ADAP1: variants seen among roughly 807,000 people sequenced by gnomAD.
ADAP1 encodes the protein arf-GAP with dual PH domain-containing protein 1.
ADAP1 carries 31 observed loss-of-function variants against 54.9 expected under a neutral mutation model. That is an observed-to-expected ratio of 0.56 (90% confidence interval 0.42 to 0.76). The LOEUF (loss-of-function observed/expected upper bound fraction) is 0.76. Ranked by LOEUF, ADAP1 falls within the 30% of genes least tolerant of loss-of-function variation. The pLI, the probability that ADAP1 is intolerant of heterozygous loss-of-function variation, is 0.00. For synonymous variants in ADAP1, 313 were observed against 202.6 expected, an observed-to-expected ratio of 1.55 and a Z score of -4.63; for missense variants, 535 against 512.4, an observed-to-expected ratio of 1.04 and a Z score of -0.42.
At chr7:909,213 G>GGACGCCGCATT (rs1562917951) in intron 4 of ADAP1, among the ~76,000 whole-genome samples, 4 of 66,646 alleles carry the variant, frequency 6.0e-5, no homozygotes, top group East Asian at 3.9e-4. Context: ...GCAGGCGCCA[G>GGACGCCGCATT]CGGGAACCCC....
At chr7:899,326 G>T in intron 9 of ADAP1, 65 bp from the exon 10 acceptor site, 1 of 1,605,944 alleles carries the variant, frequency 6.2e-7, no homozygotes, top group African/African-American at 1.3e-5. Flanking sequence ...ACTCAGGCCA[G>T]GACTCGGGAG....
chr7:898,831 T>G lies in ADAP1; in HGVS notation c.*90A>C. On this transcript the variant is annotated 3_prime_UTR_variant, in exon 11 of 11. Coordinates refer to ENST00000265846, the MANE Select transcript of ADAP1 (RefSeq NM_006869.4). ...GCCCTGAGGAGCAGGTGGGGCCAGG[T>G]GGCCTCAGGACGCCAGAGCCCCCCC... 1 of 1,521,446 alleles carries G rather than the reference T, an allele frequency of 6.6e-7. No homozygotes were observed. Among genetic ancestry groups the G allele is most frequent in the African/African-American group, 1.4e-5 (1 of 72,666 alleles). 94.2% of individuals were successfully genotyped at this position (1,521,446 alleles called of 1,614,324 possible).
chr7:899,966 C>T, intron 8 of ADAP1, 136 bp downstream of exon 8: 1 of 1,088,950 alleles, frequency 9.2e-7, no homozygotes, highest in Non-Finnish European at 1.4e-6. Flanking sequence ...CGGCCAGGCA[C>T]AGACAAGGGG....
chr7:915,077 T>C (rs1389454076), intron 4 of ADAP1, among the ~76,000 whole-genome samples: 1 of 50,476 alleles, frequency 2.0e-5, no homozygotes, highest in Middle Eastern at 7.1e-3. Flanking sequence ...ACCTGGAAGG[T>C]GCCGTGGCCC....
chr7:941,905 TAC>T (rs907883905), intron 1 of ADAP1, among the ~76,000 whole-genome samples: 2 of 152,202 alleles, frequency 1.3e-5, no homozygotes, highest in Non-Finnish European at 2.9e-5. Flanking sequence ...ATTAAAAAAT[TAC>T]AGTTATCAAG....
Position 905,182 on chromosome 7 carries a change from A to G in ADAP1, c.389-10T>C. 6.8e-6 allele frequency: 11 copies of G among 1,606,232 alleles called. No individual in the cohort carries two copies. Among genetic ancestry groups the G allele is most frequent in the Non-Finnish European group, 6.8e-6 (8 of 1,176,120 alleles). Reference sequence around the variant, plus strand: ...AAACCCTCACGGTACCCTGTGGGGGAAAGGGGACACGAGTCGGTGACAGTG... The same window carrying G: ...AAACCCTCACGGTACCCTGTGGGGGGAAGGGGACACGAGTCGGTGACAGTG... On this transcript the variant is annotated splice_polypyrimidine_tract_variant and intron_variant, in intron 4 of 10. Transcript: ENST00000265846.
chr7:914,504 C>G (rs993810208), intron 4 of ADAP1, among the ~76,000 whole-genome samples: 6 of 152,144 alleles, frequency 3.9e-5, no homozygotes, highest in Non-Finnish European at 7.4e-5. Flanking sequence ...CGGGGCCGCC[C>G]CAGACAGGAG....
At chr7:915,247 T>C (rs76561981) in intron 4 of ADAP1, among the ~76,000 whole-genome samples, 813 of 35,010 alleles carry the variant, frequency 0.023, 8 homozygotes, top group African/African-American at 0.092. Context: ...ACCTCGCCTG[T>C]GCATCTCACC....
intron 2 of ADAP1, chr7:927,484 C>G: frequency 2.1e-6 from 1 of 471,394 alleles, no homozygotes; most frequent in South Asian, 1.5e-5. Context: ...CTTCAAGCTC[C>G]TGAACACCAC....
intron 3 of ADAP1, among the ~76,000 whole-genome samples, chr7:923,563 G>A (rs1846264344): frequency 6.6e-6 from 1 of 152,080 alleles, no homozygotes; most frequent in Non-Finnish European, 1.5e-5. Flanking sequence ...GATAAAGAGG[G>A]CACACGAGAC....
intron 1 of ADAP1, among the ~76,000 whole-genome samples, chr7:947,132 T>A (rs1266522145): frequency 1.3e-5 from 2 of 151,710 alleles, no homozygotes; most frequent in Non-Finnish European, 2.9e-5. Flanking sequence ...CTCGGCCTCC[T>A]GGGCTCAGGT....
At chr7:925,361 TA>T (rs5881885) in intron 3 of ADAP1, among the ~76,000 whole-genome samples, 48,324 of 111,156 alleles carry the variant, frequency 0.43, 10,393 homozygotes, top group Middle Eastern at 0.52. Context: ...TCTCTATATT[TA>T]AAAAAAAAAA....
At chr7:915,573 C>T (rs1188873196) in intron 4 of ADAP1, among the ~76,000 whole-genome samples, 1 of 152,250 alleles carries the variant, frequency 6.6e-6, no homozygotes, top group Non-Finnish European at 1.5e-5. Flanking sequence ...TGGGAGGCCT[C>T]TCCCTCCCTC....
intron 6 of ADAP1, among the ~76,000 whole-genome samples, chr7:903,558 C>A (rs1390684183): frequency 2.0e-5 from 3 of 152,196 alleles, no homozygotes; most frequent in Non-Finnish European, 4.4e-5. Context: ...GCTGGGCCCA[C>A]CGCTGCGCCC....
At chr7:942,104 T>C (rs1432180914) in intron 1 of ADAP1, among the ~76,000 whole-genome samples, 1 of 152,184 alleles carries the variant, frequency 6.6e-6, no homozygotes, top group Non-Finnish European at 1.5e-5. Flanking sequence ...CACAACACAG[T>C]AAACAACCAT....
chr7:901,451 TCTC>T (rs1354292143), intron 6 of ADAP1: 1 of 174,944 alleles, frequency 5.7e-6, no homozygotes, highest in African/African-American at 2.4e-5. Flanking sequence ...TCCTCAGGCT[TCTC>T]CCCAGCCCCT....
At chr7:905,015 G>A in intron 5 of ADAP1, 45 bp downstream of exon 5, 14 of 1,558,204 alleles carry the variant, frequency 9.0e-6, no homozygotes, top group South Asian at 1.1e-5. Context: ...AGGCCGGGAT[G>A]CCGCCCTGGG....
At chr7:901,717 C>A (rs1346167827) in intron 6 of ADAP1, among the ~76,000 whole-genome samples, 3 of 151,670 alleles carry the variant, frequency 2.0e-5, no homozygotes, top group Non-Finnish European at 4.4e-5. Context: ...GCCCACAAGC[C>A]ACACCCACGC....
At chr7:905,262 G>A in intron 4 of ADAP1, 90 bp from the exon 5 acceptor site, 1 of 797,226 alleles carries the variant, frequency 1.3e-6, no homozygotes, top group Non-Finnish European at 1.9e-6. Flanking sequence ...GGGGACATGG[G>A]GAGAAGACAC....
Sources: allele counts gnomAD v4.1 joint callset (sites outside exome capture counted in the v4.1 genomes callset), GRCh38; gene constraint gnomAD v4.1.1; transcripts MANE v1.5; gene names NCBI Gene and HGNC (gene_info 2026-07-23, HGNC 2026-07-21).